Variants in ILDR2 observed in about 807,000 individuals in gnomAD.
ILDR2 encodes the protein immunoglobulin like domain containing receptor 2.
In ILDR2, 25 loss-of-function variants were observed where a neutral mutation model predicts 66.8. The observed-to-expected ratio is 0.37, with a 90% CI of 0.27 to 0.52. The LOEUF (loss-of-function observed/expected upper bound fraction) is 0.52, where lower values mean the gene tolerates loss of function less well. Ranked by LOEUF, ILDR2 falls within the 20% of genes least tolerant of loss-of-function variation. The pLI is 0.88. For synonymous variants in ILDR2, 367 were observed against 357.2 expected (o/e 1.03, Z -0.31); for missense variants, 827 against 876.8 (o/e 0.94, Z 0.72).
At chr1:166,973,981 A>C (rs1310174815) in intron 1 of ILDR2, among the ~76,000 whole-genome samples, 1 of 152,120 alleles carries the variant, frequency 6.6e-6, no homozygotes, top group East Asian at 1.9e-4. Context: ...CTTATTCTGA[A>C]GCTAAGGGAA....
At position 166,909,548 on chromosome 1, in the gene ILDR2, G is replaced by A. The variant is rs1393481544; in HGVS notation, c.*9807C>T. ...CTGCCAAAGGAATGAAACATAAGAG[G>A]CTATCGCCTTGGCCTGAGGGAATGA... On this transcript the variant is annotated 3_prime_UTR_variant, in exon 10 of 10. Transcript: ENST00000271417. The A allele has an allele frequency of 6.6e-6, 1 of 151,406 alleles. No homozygotes were observed. The highest frequency in any genetic ancestry group is 1.5e-5 in the Non-Finnish European group (1 of 67,924). 9.4% of individuals were successfully genotyped at this position (151,406 alleles called of 1,614,324 possible). A position where few individuals can be genotyped will look rare whatever the true frequency, so the allele number is the denominator to read the frequency against.
In ILDR2 at chr1:166,957,892, C is replaced by T; in HGVS notation, c.256G>A (p.Glu86Lys). Reference protein sequence around the residue: ...RAQSLSKRNLEWDPYLDCLDS... With the variant: ...RAQSLSKRNLKWDPYLDCLDS... ...AAACAATCCAAGTAGGGGTCCCATT[C>T]CAGGTTTCTCTTGCTGAGAGATTGG... The change falls in exon 2 of 10, where the codon GAA (glutamate) becomes AAA (lysine). Residue 86 changes from glutamate (E) to lysine (K), a missense_variant. Glu to Lys is a moderately conservative substitution (Grantham distance 56). Transcript: ENST00000271417. 3 of 1,614,162 alleles carry T rather than the reference C, an allele frequency of 1.9e-6. No individual in the cohort carries two copies. In the South Asian group the frequency reaches 3.3e-5, roughly 18 times the overall value.
At chr1:166,956,919 G>A (rs927444587) in intron 2 of ILDR2, 67 bp from the exon 3 acceptor site, 3 of 1,560,034 alleles carry the variant, frequency 1.9e-6, no homozygotes, top group African/African-American at 1.4e-5. Flanking sequence ...ACTAAACAAT[G>A]GGGGTTGGGA....
At position 166,909,303 on chromosome 1, in the gene ILDR2, A is replaced by G. The variant is rs949695353; in HGVS notation, c.*10052T>C. 3 of 152,132 alleles carry G rather than the reference A, an allele frequency of 2.0e-5. No individual in the cohort carries two copies. The highest frequency in any genetic ancestry group is 4.4e-5 in the Non-Finnish European group (3 of 68,020). The allele number at this position is 152,132 out of a possible 1,614,324, so 9.4% of individuals were successfully genotyped here. ...AAGTCTATCCTCACTGAGAAAATGT[A>G]TTGATGTAAAAACACAAGTAGGTGT... On this transcript the variant is annotated 3_prime_UTR_variant, in exon 10 of 10. Transcript: ENST00000271417.
chr1:166,897,497 A>G lies in ILDR2; in HGVS notation n.172-1396T>C, dbSNP rs74119507. On this transcript the variant is annotated intron_variant and non_coding_transcript_variant, in intron 2 of 2. Coordinates refer to the ILDR2 transcript ENST00000414590. ...CAGGATGGGGGCTGGCCATGCCAGT[A>G]AGATTAACTATGTGATTAAAAGTTT... Among the ~76,000 whole-genome samples, 1,059 of 152,274 alleles carry G rather than the reference A, an allele frequency of 7.0e-3. 11 individuals are homozygous for G. Among genetic ancestry groups the G allele is most frequent in the African/African-American group, 0.024 (1,017 of 41,548 alleles).
chr1:166,920,653 C>T, intron 9 of ILDR2, 54 bp downstream of exon 9: 1 of 1,339,094 alleles, frequency 7.5e-7, no homozygotes, highest in African/African-American at 1.5e-5. Context: ...GCTCGCCCTG[C>T]CTGGAGGCTC....
intron 1 of ILDR2, among the ~76,000 whole-genome samples, chr1:166,969,908 C>T (rs1354402262): frequency 6.6e-6 from 1 of 152,196 alleles, no homozygotes; most frequent in East Asian, 1.9e-4. Flanking sequence ...GAGCCTTGGT[C>T]TTCTTAAGTG....
chr1:166,958,619 T>C (rs1662426025), intron 1 of ILDR2, among the ~76,000 whole-genome samples: 1 of 152,182 alleles, frequency 6.6e-6, no homozygotes, highest in Admixed American at 6.5e-5. Context: ...GACAGTTCTT[T>C]ATAGCAGTGT....
At chr1:166,926,949 C>G in intron 7 of ILDR2, 118 bp downstream of exon 7, 2 of 609,682 alleles carry the variant, frequency 3.3e-6, no homozygotes, top group Non-Finnish European at 2.8e-6. Context: ...GTCACCAGCA[C>G]CCCTGCTAAT....
In ILDR2 at chr1:166,916,268, A is replaced by G. The variant is rs1659639482; in HGVS notation, c.*3087T>C. On this transcript the variant is annotated 3_prime_UTR_variant, in exon 10 of 10. Coordinates refer to ENST00000271417, the MANE Select transcript of ILDR2 (RefSeq NM_199351.3). ...ATTGGCTTTTCAGATCACCAAGTCT[A>G]TGTTTAAATAAGATGATGGACAAAC... The G allele has an allele frequency of 6.6e-6, 1 of 152,232 alleles. No individual in the cohort carries two copies. The highest frequency in any genetic ancestry group is 1.5e-5 in the Non-Finnish European group (1 of 68,038). 9.4% of individuals were successfully genotyped at this position (152,232 alleles called of 1,614,324 possible). A position where few individuals can be genotyped will look rare whatever the true frequency, so the allele number is the denominator to read the frequency against.
intron 1 of ILDR2, 121 bp downstream of exon 1, chr1:166,975,101 AC>A: frequency 1.3e-6 from 1 of 772,662 alleles, no homozygotes; most frequent in Non-Finnish European, 2.2e-6. Context: ...TTTCCACCAG[AC>A]CGCTAAGCAG....
At position 166,936,925 on chromosome 1, in the gene ILDR2, C is replaced by G. The variant is rs1166533006; in HGVS notation, c.557-188G>C. Among the ~76,000 whole-genome samples the G allele has an allele frequency of 6.6e-6, 1 of 152,090 alleles. No homozygotes were observed. The highest frequency in any genetic ancestry group is 1.5e-5 in the Non-Finnish European group (1 of 68,034). On this transcript the variant is annotated intron_variant, in intron 4 of 9. Coordinates refer to ENST00000271417, the MANE Select transcript of ILDR2 (RefSeq NM_199351.3). This position sits in a 1 kb window ranked among gnomAD's most constrained non-coding sequence, Gnocchi z 5.0. ...AGAGTCAGGAGTGCAGACCCTCAGT[C>G]CCGGGGAATGGAGAAGAGGGAAGAA...
Position 166,909,784 on chromosome 1 carries a change from T to A in ILDR2, c.*9571A>T, listed in dbSNP as rs1247087366. The A allele has an allele frequency of 5.7e-4, 47 of 82,212 alleles. No individual in the cohort carries two copies. The highest frequency in any genetic ancestry group is 1.9e-3 in the African/African-American group (42 of 22,072). The allele number at this position is 82,212 out of a possible 1,614,324, so 5.1% of individuals were successfully genotyped here. ...AAATATATATAAATATATATATTTATATATATATATATATATATATATCCT... is the reference window on the plus strand; with the variant it reads ...AAATATATATAAATATATATATTTAAATATATATATATATATATATATCCT... On this transcript the variant is annotated 3_prime_UTR_variant, in exon 10 of 10. Coordinates refer to ENST00000271417, the MANE Select transcript of ILDR2 (RefSeq NM_199351.3).
chr1:166,975,179 A>G lies in ILDR2; in HGVS notation c.46+44T>C, dbSNP rs764890942. ...GGCGCGGTGAGAACAGAACCACTACAGGAATATACAAAGTTATTCGTTTCT... is the reference window on the plus strand; with the variant it reads ...GGCGCGGTGAGAACAGAACCACTACGGGAATATACAAAGTTATTCGTTTCT... On this transcript the variant is annotated intron_variant, in intron 1 of 9. Coordinates refer to ENST00000271417, the MANE Select transcript of ILDR2 (RefSeq NM_199351.3). 10 of 1,499,644 alleles carry G rather than the reference A, an allele frequency of 6.7e-6. No individual in the cohort carries two copies. The Admixed American group carries it at 1.7e-4, about 25-fold the overall frequency. 92.9% of individuals were successfully genotyped at this position (1,499,644 alleles called of 1,614,324 possible).
In ILDR2 at chr1:166,939,537, C is replaced by T. The variant is rs758885018; in HGVS notation, c.533G>A (p.Ser178Asn). Residue 178 changes from serine (S) to asparagine (N), a missense_variant, in exon 4 of 10, where the codon AGT becomes AAT. Physicochemically the swap from Ser to Asn is conservative, Grantham distance 46. Coordinates refer to ENST00000271417, the MANE Select transcript of ILDR2 (RefSeq NM_199351.3). The stretch of plus-strand genomic sequence containing the variant: ...ACCTGGCATAATCTCCACAGCAAAA[C>T]TGGGCAAGAGATCAGCAAGCAGCCC... ...RTGLLADLLP[S>N]FAVEIMPEWV... is the part of the protein sequence containing the mutation. 1.9e-6 allele frequency: 3 copies of T among 1,613,964 alleles called. No homozygotes were observed. The highest frequency in any genetic ancestry group is 2.5e-6 in the Non-Finnish European group (3 of 1,179,842).
chr1:166,903,235 AT>A (rs139732629), downstream of ILDR2, among the ~76,000 whole-genome samples: 443 of 152,338 alleles, frequency 2.9e-3, 2 homozygotes, highest in African/African-American at 0.01. Flanking sequence ...CTATATCACT[AT>A]AATAAAGACC....
At chr1:166,954,752 T>C (rs1662173695) in intron 3 of ILDR2, among the ~76,000 whole-genome samples, 1 of 152,222 alleles carries the variant, frequency 6.6e-6, no homozygotes. Context: ...TCTCTGCTGC[T>C]GGCCCTTTTT....
chr1:166,911,675 T>G lies in ILDR2; in HGVS notation c.*7680A>C, dbSNP rs1228480441. 2 of 144,650 alleles carry G rather than the reference T, an allele frequency of 1.4e-5. No individual in the cohort carries two copies. Among genetic ancestry groups the G allele is most frequent in the Admixed American group, 1.4e-4 (2 of 14,620 alleles). 9.0% of individuals were successfully genotyped at this position (144,650 alleles called of 1,614,324 possible). ...GGGCATTGTAAAAAAAAAAAAAGAG[T>G]AAGTCACAAGACAACAGGGACTATG... On this transcript the variant is annotated 3_prime_UTR_variant, in exon 10 of 10. Coordinates refer to ENST00000271417, the MANE Select transcript of ILDR2 (RefSeq NM_199351.3).
intron 2 of ILDR2, among the ~76,000 whole-genome samples, chr1:166,898,542 G>C (rs1455315075): frequency 6.6e-6 from 1 of 152,072 alleles, no homozygotes; most frequent in Non-Finnish European, 1.5e-5. Context: ...CTCCCTACCT[G>C]GTGTGTAATG....
Sources: allele counts gnomAD v4.1 joint callset (sites outside exome capture counted in the v4.1 genomes callset), GRCh38; gene constraint gnomAD v4.1.1; non-coding constraint Gnocchi (gnomAD v3.1); transcripts MANE v1.5; gene names NCBI Gene and HGNC (gene_info 2026-07-23, HGNC 2026-07-21).